Variants in IGFBP4 observed in about 807,000 individuals in gnomAD.
IGFBP4 encodes insulin like growth factor binding protein 4.
In IGFBP4, 9 loss-of-function variants were observed where a neutral mutation model predicts 25.8. That is an observed-to-expected ratio of 0.35 (90% CI 0.21 to 0.61). The LOEUF is 0.61. Among genes scored for constraint, IGFBP4 ranks in the 20% least tolerant of loss-of-function variants. The probability of loss-of-function intolerance (pLI) is 0.77; values close to 1 mark genes in which losing one functional copy is unlikely to be tolerated. For synonymous variants in IGFBP4, 153 were observed against 153.9 expected (o/e 0.99, Z 0.05); for missense variants, 315 against 365.3 (o/e 0.86, Z 1.12).
chr17:40,456,373 G>C, intron 3 of IGFBP4, 76 bp from the exon 4 acceptor site: 1 of 1,529,170 alleles, frequency 6.5e-7, no homozygotes, highest in South Asian at 1.2e-5. Flanking sequence ...GGCTGGGCTG[G>C]GCTGGGATTG....
intron 1 of IGFBP4, among the ~76,000 whole-genome samples, chr17:40,449,189 C>T (rs188644499): frequency 6.6e-6 from 1 of 152,302 alleles, no homozygotes; most frequent in East Asian, 1.9e-4. Flanking sequence ...AACCCAAGAG[C>T]ATAAGCCATG....
chr17:40,451,463 G>A (rs768400434), intron 1 of IGFBP4, among the ~76,000 whole-genome samples: 1 of 151,614 alleles, frequency 6.6e-6, no homozygotes, highest in Non-Finnish European at 1.5e-5. Flanking sequence ...CCAGGAGAAT[G>A]AAAAGAGAAC....
Position 40,444,102 on chromosome 17 carries a change from T to G in IGFBP4, c.349+18T>G. 5 of 1,510,694 alleles carry G rather than the reference T, an allele frequency of 3.3e-6. No homozygotes were observed. The highest frequency in any genetic ancestry group is 4.4e-6 in the Non-Finnish European group (5 of 1,124,500). The allele number at this position is 1,510,694 out of a possible 1,614,324, so 93.6% of individuals were successfully genotyped here. ...GCCCTCTGGTAAGGTACCCCTGGCC[T>G]CCCAATTCCCTCCTGAGTGCGCTCC... On this transcript the variant is annotated intron_variant, in intron 1 of 3. Coordinates refer to ENST00000269593, the MANE Select transcript of IGFBP4 (RefSeq NM_001552.3).
At chr17:40,448,113 G>A (rs189560024) in intron 1 of IGFBP4, among the ~76,000 whole-genome samples, 217 of 152,368 alleles carry the variant, frequency 1.4e-3, no homozygotes, top group Non-Finnish European at 2.5e-3. Flanking sequence ...GGGGAAGAGG[G>A]AAAAGACCTT....
intron 1 of IGFBP4, among the ~76,000 whole-genome samples, chr17:40,447,996 G>T (rs2035659337): frequency 6.6e-6 from 1 of 152,226 alleles, no homozygotes; most frequent in African/African-American, 2.4e-5. Flanking sequence ...TTATTCTGAG[G>T]CTGGCAGCAT....
At position 40,453,489 on chromosome 17, in the gene IGFBP4, C is replaced by T. The variant is rs1359789057; in HGVS notation, c.507+347C>T. 6.6e-6 allele frequency among the ~76,000 whole-genome samples: 1 copy of T among 152,122 alleles called. No individual in the cohort carries two copies. Among genetic ancestry groups the T allele is most frequent in the Non-Finnish European group, 1.5e-5 (1 of 68,004 alleles). On this transcript the variant is annotated intron_variant, in intron 2 of 3. Coordinates refer to ENST00000269593, the MANE Select transcript of IGFBP4 (RefSeq NM_001552.3). This position sits in a 1 kb window ranked among gnomAD's most constrained non-coding sequence, Gnocchi z 4.0. The stretch of plus-strand genomic sequence containing the variant: ...TTCTTGGCCTTTTTTGGATTCCCCA[C>T]CCCAGACCTTCTCAGTAACCAAAGG...
intron 3 of IGFBP4, among the ~76,000 whole-genome samples, chr17:40,455,842 A>T (rs1391427884): frequency 6.6e-6 from 1 of 152,142 alleles, no homozygotes; most frequent in Non-Finnish European, 1.5e-5. Flanking sequence ...ACCAGTTCTG[A>T]TCCTTAAGCT....
At chr17:40,444,167 G>A (rs1206524465) in intron 1 of IGFBP4, 83 bp downstream of exon 1, 5 of 1,106,192 alleles carry the variant, frequency 4.5e-6, no homozygotes, top group Admixed American at 2.2e-5. Context: ...CGCCCTGGAA[G>A]GCCCTTAAAA....
Position 40,453,486 on chromosome 17 carries a change from CCACCCCAGACCTTCT to C in IGFBP4, c.507+347_507+361del. Among the ~76,000 whole-genome samples the C allele has an allele frequency of 6.6e-6, 1 of 152,212 alleles. No individual in the cohort carries two copies. Among genetic ancestry groups the C allele is most frequent in the East Asian group, 1.9e-4 (1 of 5,174 alleles). ...GGTTTCTTGGCCTTTTTTGGATTCC[CCACCCCAGACCTTCT>C]CAGTAACCAAAGGGTAATGCTGGCC... On this transcript the variant is annotated intron_variant, in intron 2 of 3. Transcript: ENST00000269593. This position sits in a 1 kb window ranked among gnomAD's most constrained non-coding sequence, Gnocchi z 4.0.
At chr17:40,449,563 A>C (rs2035670391) in intron 1 of IGFBP4, among the ~76,000 whole-genome samples, 1 of 152,208 alleles carries the variant, frequency 6.6e-6, no homozygotes, top group African/African-American at 2.4e-5. Flanking sequence ...CCTGGCTAAC[A>C]CGGTGAAACT....
chr17:40,454,078 C>T lies in IGFBP4; in HGVS notation c.642+16C>T. 1.2e-6 allele frequency: 2 copies of T among 1,610,286 alleles called. No individual in the cohort carries two copies. Among genetic ancestry groups the T allele is most frequent in the South Asian group, 2.2e-5 (2 of 90,376 alleles). ...CCCCAAGCAGGTGGGTCTCTGTCTC[C>T]CGCTGGCTTGGCCCTGGACTCAGCT... On this transcript the variant is annotated intron_variant, in intron 3 of 3. Transcript: ENST00000269593.
Position 40,453,150 on chromosome 17 carries a change from C to T in IGFBP4, c.507+8C>T. 6.5e-7 allele frequency: 1 copy of T among 1,542,554 alleles called. No individual in the cohort carries two copies. The highest frequency in any genetic ancestry group is 8.8e-7 in the Non-Finnish European group (1 of 1,141,678). The stretch of plus-strand genomic sequence containing the variant: ...GAGGATGCCCGGCCTGTGGTAAGGA[C>T]CTCCGATGCACAAATGTGCATGTGC... On this transcript the variant is annotated splice_region_variant and intron_variant, in intron 2 of 3. Coordinates refer to ENST00000269593, the MANE Select transcript of IGFBP4 (RefSeq NM_001552.3). This position sits in a 1 kb window ranked among gnomAD's most constrained non-coding sequence, Gnocchi z 4.0.
chr17:40,451,258 T>G (rs947131500), intron 1 of IGFBP4, among the ~76,000 whole-genome samples: 1 of 152,196 alleles, frequency 6.6e-6, no homozygotes, highest in African/African-American at 2.4e-5. Context: ...GGATTATATC[T>G]GTCTACTCTA....
chr17:40,453,785 C>T lies in IGFBP4; in HGVS notation c.508-143C>T. On this transcript the variant is annotated intron_variant, in intron 2 of 3. Transcript: ENST00000269593. The surrounding 1 kb of genome is among the most constrained non-coding windows in gnomAD (Gnocchi z 4.0). ...GTGTGTCCTCCAGACCCAGGCCTCTCTCTTCACCTCACTGGGTCCTGCCCA... is the reference window on the plus strand; with the variant it reads ...GTGTGTCCTCCAGACCCAGGCCTCTTTCTTCACCTCACTGGGTCCTGCCCA... 1.7e-6 allele frequency: 1 copy of T among 571,534 alleles called. No homozygotes were observed. Among genetic ancestry groups the T allele is most frequent in the Non-Finnish European group, 3.0e-6 (1 of 333,098 alleles). The allele number at this position is 571,534 out of a possible 1,614,324, so 35.4% of individuals were successfully genotyped here.
chr17:40,447,882 A>C (rs879348659), intron 1 of IGFBP4, among the ~76,000 whole-genome samples: 8 of 152,230 alleles, frequency 5.3e-5, no homozygotes, highest in Non-Finnish European at 1.2e-4. Context: ...CGAGGGAGCA[A>C]ATTTGGGGCA....
chr17:40,456,892 A>T lies in IGFBP4; in HGVS notation c.*309A>T. ...GTGTTTCCAGATCGATCCTGGATTCACTCACTCACTCATTCCTTCACTCAT... is the reference window on the plus strand; with the variant it reads ...GTGTTTCCAGATCGATCCTGGATTCTCTCACTCACTCATTCCTTCACTCAT... On this transcript the variant is annotated 3_prime_UTR_variant, in exon 4 of 4. Coordinates refer to ENST00000269593, the MANE Select transcript of IGFBP4 (RefSeq NM_001552.3). 2.8e-6 allele frequency: 1 copy of T among 353,314 alleles called. No individual in the cohort carries two copies. Among genetic ancestry groups the T allele is most frequent in the Admixed American group, 4.5e-5 (1 of 22,088 alleles). 21.9% of individuals were successfully genotyped at this position (353,314 alleles called of 1,614,324 possible).
Position 40,443,872 on chromosome 17 carries a change from A to G in IGFBP4, c.137A>G (p.Glu46Gly). Residue 46 changes from glutamate (E) to glycine (G), a missense_variant, in exon 1 of 4, where the codon GAG (glutamate) becomes GGG (glycine). Glu to Gly is a moderately conservative substitution (Grantham distance 98). Coordinates refer to ENST00000269593, the MANE Select transcript of IGFBP4 (RefSeq NM_001552.3). The stretch of plus-strand genomic sequence containing the variant: ...TGCCGCCCCCCCGTGGGCTGCGAGG[A>G]GCTGGTGCGAGAGCCGGGCTGCGGC... ...ARCRPPVGCEELVREPGCGCC... is the reference protein window; with the variant it reads ...ARCRPPVGCEGLVREPGCGCC... 8 of 1,530,980 alleles carry G rather than the reference A, an allele frequency of 5.2e-6. No individual in the cohort carries two copies. Among genetic ancestry groups the G allele is most frequent in the Non-Finnish European group, 7.0e-6 (8 of 1,144,702 alleles). The allele number at this position is 1,530,980 out of a possible 1,614,324, so 94.8% of individuals were successfully genotyped here.
In IGFBP4 at chr17:40,444,884, A is replaced by AACACACACACAC. The variant is rs756211064; in HGVS notation, c.349+832_349+843dup. ...AGAGAGAGAGAGAGAGAGAGAGAGA[A>AACACACACACAC]ACACACACACACACACACACACACA... On this transcript the variant is annotated intron_variant, in intron 1 of 3. Coordinates refer to ENST00000269593, the MANE Select transcript of IGFBP4 (RefSeq NM_001552.3). 2.5e-3 allele frequency among the ~76,000 whole-genome samples: 201 copies of AACACACACACAC among 80,328 alleles called. 2 individuals carry two copies. Among genetic ancestry groups the AACACACACACAC allele is most frequent in the Middle Eastern group, 6.8e-3 (1 of 148 alleles). The allele number at this position is 80,328 out of a possible 152,430, so 52.7% of individuals were successfully genotyped here.
intron 1 of IGFBP4, among the ~76,000 whole-genome samples, chr17:40,450,996 G>A (rs1434424449): frequency 1.3e-5 from 2 of 152,142 alleles, no homozygotes; most frequent in African/African-American, 4.8e-5. Context: ...GAATTCCTTG[G>A]GAGGGTCTCA....
Sources: allele counts gnomAD v4.1 joint callset (sites outside exome capture counted in the v4.1 genomes callset), GRCh38; gene constraint gnomAD v4.1.1; non-coding constraint Gnocchi (gnomAD v3.1); transcripts MANE v1.5; gene names NCBI Gene and HGNC (gene_info 2026-07-23, HGNC 2026-07-21).